Variants in SF3A3 observed in about 807,000 individuals in gnomAD.
SF3A3 encodes splicing factor 3a subunit 3.
Under a neutral mutation model 85.8 loss-of-function variants are expected in SF3A3, and 9 were observed. The ratio of observed to expected loss-of-function variants is 0.10; its 90% confidence interval spans 0.06 to 0.18. The LOEUF is 0.18. Ranked by LOEUF, SF3A3 falls within the 10% of genes least tolerant of loss-of-function variation. SF3A3 has a pLI of 1.00. For synonymous variants in SF3A3, 195 were observed against 204.4 expected, an observed-to-expected ratio of 0.95 and a Z score of 0.39; for missense variants, 306 against 593.3, an observed-to-expected ratio of 0.52 and a Z score of 5.03.
At chr1:37,980,841 CTTTTTTT>C (rs760972269) in intron 7 of SF3A3, 117 bp from the exon 8 acceptor site, 118 of 95,342 alleles carry the variant, frequency 1.2e-3, no homozygotes, top group South Asian at 2.8e-3. Context: ...TTTTAATACT[CTTTTTTT>C]TTTTTTTTTT....
At chr1:37,970,770 C>T (rs1288323492) in intron 12 of SF3A3, among the ~76,000 whole-genome samples, 3 of 152,076 alleles carry the variant, frequency 2.0e-5, no homozygotes, top group Admixed American at 1.3e-4. Context: ...GGATAAATAA[C>T]GAAATGAAGG....
intron 12 of SF3A3, among the ~76,000 whole-genome samples, chr1:37,974,547 C>A (rs543426733): frequency 7.1e-4 from 108 of 152,208 alleles, no homozygotes; most frequent in African/African-American, 2.5e-3. Flanking sequence ...TGTGATCTGC[C>A]CGCCTTGGCC....
At chr1:37,975,835 G>A (rs990177926) in intron 12 of SF3A3, among the ~76,000 whole-genome samples, 2 of 152,162 alleles carry the variant, frequency 1.3e-5, no homozygotes, top group Non-Finnish European at 2.9e-5. Flanking sequence ...CGGACCATGC[G>A]AGTATGTGTA....
At chr1:37,968,308 G>C (rs1646316522) in intron 14 of SF3A3, among the ~76,000 whole-genome samples, 174 bp from the exon 15 acceptor site, 1 of 152,146 alleles carries the variant, frequency 6.6e-6, no homozygotes, top group Admixed American at 6.6e-5. Context: ...ACAAAAGGGT[G>C]GTATTTCAAA....
chr1:37,960,855 G>A (rs1013797225), intron 15 of SF3A3, among the ~76,000 whole-genome samples: 7 of 151,792 alleles, frequency 4.6e-5, no homozygotes, highest in Admixed American at 3.9e-4. Context: ...GGGTTTCACC[G>A]TGTTAGCCAG....
intron 8 of SF3A3, among the ~76,000 whole-genome samples, chr1:37,979,873 CAAAACAAAA>C (rs1646405285): frequency 1.5e-5 from 1 of 68,106 alleles, no homozygotes; most frequent in Non-Finnish European, 4.9e-5. Context: ...AAAAACAAAA[CAAAACAAAA>C]CAAAACAAAA....
At chr1:37,987,421 T>C (rs1646464761) in intron 4 of SF3A3, 152 bp downstream of exon 4, 3 of 642,530 alleles carry the variant, frequency 4.7e-6, no homozygotes, top group Non-Finnish European at 5.5e-6. Flanking sequence ...AAACACTGTA[T>C]TGTAGGATGT....
intron 16 of SF3A3, 130 bp from the exon 17 acceptor site, chr1:37,958,393 T>C (rs955390701): frequency 2.9e-6 from 2 of 681,706 alleles, no homozygotes; most frequent in Non-Finnish European, 5.3e-6. Flanking sequence ...TTGGCATTCA[T>C]CTAAGCCTTT....
intron 15 of SF3A3, among the ~76,000 whole-genome samples, chr1:37,961,894 TGACCAACATGGAG>T (rs1646262338): frequency 6.6e-6 from 1 of 150,596 alleles, no homozygotes; most frequent in South Asian, 2.1e-4. Flanking sequence ...GAGACCAGCC[TGACCAACATGGAG>T]AAACCCCATC....
intron 12 of SF3A3, among the ~76,000 whole-genome samples, chr1:37,973,276 C>T (rs1221084687): frequency 1.3e-5 from 2 of 152,110 alleles, no homozygotes; most frequent in African/African-American, 4.8e-5. Flanking sequence ...CCATTCAGGC[C>T]ATAGGCATGG....
At chr1:37,982,228 G>A (rs141828641) in intron 6 of SF3A3, among the ~76,000 whole-genome samples, 1 of 152,168 alleles carries the variant, frequency 6.6e-6, no homozygotes, top group African/African-American at 2.4e-5. Context: ...AACAGACAAG[G>A]GATCTGACTT....
At chr1:37,976,997 C>A (rs368358662) in intron 11 of SF3A3, 44 bp from the exon 12 acceptor site, 3 of 1,407,054 alleles carry the variant, frequency 2.1e-6, no homozygotes, top group Non-Finnish European at 3.0e-6. Flanking sequence ...ATTCTCTCAT[C>A]CATTGTTTTG....
At position 37,989,902 on chromosome 1, in the gene SF3A3, T is replaced by C. The variant is rs2148726591; in HGVS notation, c.64A>G (p.Met22Val). 1.2e-6 allele frequency: 2 copies of C among 1,613,682 alleles called. No individual in the cohort carries two copies. The highest frequency in any genetic ancestry group is 1.7e-5 in the Admixed American group (1 of 60,020). Residue 22 changes from methionine to valine, a missense_variant, in exon 1 of 17, where the codon ATG (methionine) becomes GTG (valine). Around this residue, in one of 4 missense-constraint regions of SF3A3, gnomAD observed 152 missense variants for 192.0 expected, o/e 0.79. Transcript: ENST00000373019. ...TTCTTGGTGAGCATCTCTTTAGCCA[T>C]GACGTCCATGAGCCGTTCCTTCTCC... ...HEEKERLMDV[M>V]AKEMLTKKST...
At chr1:37,964,682 T>A (rs1241541643) in intron 15 of SF3A3, among the ~76,000 whole-genome samples, 1 of 152,162 alleles carries the variant, frequency 6.6e-6, no homozygotes, top group Non-Finnish European at 1.5e-5. Flanking sequence ...AAAATGTTAA[T>A]GGCAGAGAAA....
chr1:37,982,931 C>T (rs1419821802), intron 6 of SF3A3, among the ~76,000 whole-genome samples: 1 of 149,500 alleles, frequency 6.7e-6, no homozygotes. Flanking sequence ...CCTATTTCTA[C>T]AAAAAAAAAT....
At chr1:37,978,932 A>G in intron 10 of SF3A3, 56 bp downstream of exon 10, 2 of 1,549,310 alleles carry the variant, frequency 1.3e-6, no homozygotes, top group Middle Eastern at 1.7e-4. Flanking sequence ...AGCTACTTAG[A>G]AGACTGTGCA....
chr1:37,979,093 C>T (rs759394578), intron 9 of SF3A3, 38 bp from the exon 10 acceptor site: 7 of 1,577,416 alleles, frequency 4.4e-6, no homozygotes, highest in South Asian at 4.4e-5. Flanking sequence ...ATTACATTAA[C>T]AGATTTTTGG....
At chr1:37,987,195 C>CA (rs1173255430) in intron 4 of SF3A3, among the ~76,000 whole-genome samples, 1 of 152,166 alleles carries the variant, frequency 6.6e-6, no homozygotes, top group Admixed American at 6.5e-5. Flanking sequence ...TCTCTTGCCT[C>CA]AGCCTCCTGA....
chr1:37,983,586 C>CAGAAAAAAAAAAA (rs1646435152), intron 6 of SF3A3, among the ~76,000 whole-genome samples: 1 of 38,490 alleles, frequency 2.6e-5, no homozygotes, highest in South Asian at 1.1e-3. Flanking sequence ...GACCCTGTCT[C>CAGAAAAAAAAAAA]AAAAAAAAAA....
Sources: allele counts gnomAD v4.1 joint callset (sites outside exome capture counted in the v4.1 genomes callset), GRCh38; gene constraint gnomAD v4.1.1; regional missense constraint gnomAD v4.1.1; transcripts MANE v1.5; gene names NCBI Gene and HGNC (gene_info 2026-07-23, HGNC 2026-07-21).